PRMT8: variants seen among roughly 807,000 people sequenced by gnomAD.
PRMT8 encodes protein arginine N-methyltransferase 8.
PRMT8 carries 7 observed loss-of-function variants against 47.1 expected under a neutral mutation model. The ratio of observed to expected loss-of-function variants is 0.15; its 90% CI spans 0.08 to 0.28. The LOEUF (loss-of-function observed/expected upper bound fraction) is 0.28. PRMT8 is among the 10% of genes least tolerant of loss of function. PRMT8 has a pLI of 1.00. For missense variants in PRMT8, 237 were observed against 505.4 expected (o/e 0.47, Z 5.09); for synonymous variants, 188 against 186.5 (o/e 1.01, Z -0.07).
chr12:3,475,594 A>G (rs1412350596), intron 1 of PRMT8, among the ~76,000 whole-genome samples: 1 of 152,208 alleles, frequency 6.6e-6, no homozygotes, highest in African/African-American at 2.4e-5. Flanking sequence ...AGAGAACGCT[A>G]CCACCTCCTG....
intron 7 of PRMT8, among the ~76,000 whole-genome samples, chr12:3,581,906 C>T (rs1867074848): frequency 6.6e-6 from 1 of 152,202 alleles, no homozygotes; most frequent in African/African-American, 2.4e-5. Context: ...CTTTATTTAT[C>T]CTGGAAATAC....
At chr12:3,558,452 G>A (rs961424584) in intron 4 of PRMT8, among the ~76,000 whole-genome samples, 1 of 152,158 alleles carries the variant, frequency 6.6e-6, no homozygotes, top group Non-Finnish European at 1.5e-5. Context: ...TCAAAGTCAG[G>A]AAATTAAAAC....
chr12:3,454,394 T>A (rs1864952597), intron 1 of PRMT8, among the ~76,000 whole-genome samples: 1 of 151,798 alleles, frequency 6.6e-6, no homozygotes, highest in African/African-American at 2.4e-5. Flanking sequence ...AATCACTCAC[T>A]CCAGAGGGAG....
At chr12:3,590,153 C>A (rs964618960) in intron 8 of PRMT8, among the ~76,000 whole-genome samples, 1 of 152,216 alleles carries the variant, frequency 6.6e-6, no homozygotes, top group East Asian at 1.9e-4. Context: ...CATTCATGAT[C>A]CTCCTTCCCT....
chr12:3,531,326 G>A (rs1013878994), intron 1 of PRMT8, among the ~76,000 whole-genome samples: 1 of 152,222 alleles, frequency 6.6e-6, no homozygotes, highest in African/African-American at 2.4e-5. Flanking sequence ...GGAGGGGAAT[G>A]CATAGGGAAG....
chr12:3,460,096 T>C (rs1393410413), intron 1 of PRMT8, among the ~76,000 whole-genome samples: 3 of 152,216 alleles, frequency 2.0e-5, no homozygotes, highest in South Asian at 2.1e-4. Flanking sequence ...AGTCTTAACA[T>C]TGGAAGTTTC....
At chr12:3,450,380 A>G (rs998389276) in intron 1 of PRMT8, among the ~76,000 whole-genome samples, 4 of 152,342 alleles carry the variant, frequency 2.6e-5, no homozygotes, top group East Asian at 3.9e-4. Flanking sequence ...AATGTTGACA[A>G]GTCTCATTAT....
intron 2 of PRMT8, among the ~76,000 whole-genome samples, chr12:3,548,215 A>T (rs1866359576): frequency 6.6e-6 from 1 of 152,206 alleles, no homozygotes; most frequent in Non-Finnish European, 1.5e-5. Context: ...GACATGTAAA[A>T]GCCACAGCCA....
intron 1 of PRMT8, among the ~76,000 whole-genome samples, chr12:3,459,566 A>G (rs1410719641): frequency 1.3e-5 from 2 of 152,180 alleles, no homozygotes; most frequent in East Asian, 3.9e-4. Flanking sequence ...CTGCAAATTT[A>G]TGCAAACACT....
At chr12:3,525,551 G>A (rs1276709129) in intron 1 of PRMT8, among the ~76,000 whole-genome samples, 1 of 152,160 alleles carries the variant, frequency 6.6e-6, no homozygotes, top group Non-Finnish European at 1.5e-5. Context: ...TGGGAAAATG[G>A]TCTTTTAGAC....
At chr12:3,382,912 T>G (rs1864106433) in intron 1 of PRMT8, among the ~76,000 whole-genome samples, 1 of 152,178 alleles carries the variant, frequency 6.6e-6, no homozygotes, top group African/African-American at 2.4e-5. Context: ...GGAAGGGAGC[T>G]TTTTTCTCTT....
At chr12:3,544,481 C>T (rs1187436941) in intron 2 of PRMT8, among the ~76,000 whole-genome samples, 2 of 152,318 alleles carry the variant, frequency 1.3e-5, no homozygotes, top group East Asian at 3.9e-4. Flanking sequence ...AAGAAAGACA[C>T]GCCCACAGAA....
At chr12:3,430,065 G>A (rs1442918541) in intron 1 of PRMT8, among the ~76,000 whole-genome samples, 1 of 152,224 alleles carries the variant, frequency 6.6e-6, no homozygotes, top group African/African-American at 2.4e-5. Context: ...GCAGACTCAT[G>A]TCTCCAAAAA....
At chr12:3,442,879 G>A (rs974343335) in intron 1 of PRMT8, among the ~76,000 whole-genome samples, 1 of 152,124 alleles carries the variant, frequency 6.6e-6, no homozygotes, top group Non-Finnish European at 1.5e-5. Context: ...GGCTGGTCTC[G>A]AACTCCTGAC....
chr12:3,392,234 A>G (rs892185746), intron 1 of PRMT8, among the ~76,000 whole-genome samples: 3 of 151,586 alleles, frequency 2.0e-5, no homozygotes, highest in Admixed American at 6.6e-5. Context: ...ATTATACTTT[A>G]AGTTTTAGGG....
rs190686553 is a variant in PRMT8 at position 3,453,242 on chromosome 12, G to A, written c.48+71800G>A. The stretch of plus-strand genomic sequence containing the variant: ...AAGCCACGGTTCCTTCCCTCCCCAC[G>A]CCCCTCGCTCACTCTAGTCCTGGCT... On this transcript the variant is annotated intron_variant, in intron 1 of 9. Coordinates refer to the PRMT8 transcript ENST00000452611. The surrounding 1 kb of genome is among the most constrained non-coding windows in gnomAD (Gnocchi z 4.9). 1.2e-4 allele frequency among the ~76,000 whole-genome samples: 19 copies of A among 152,196 alleles called. No homozygotes were observed. In the East Asian group the frequency reaches 1.9e-3, roughly 16 times the overall value.
intron 6 of PRMT8, among the ~76,000 whole-genome samples, chr12:3,571,263 C>A (rs1343156054): frequency 6.6e-6 from 1 of 152,162 alleles, no homozygotes; most frequent in Non-Finnish European, 1.5e-5. Context: ...AGACACAACT[C>A]CACAGTGAGT....
intron 1 of PRMT8, chr12:3,381,496 A>G (rs1477957098): frequency 2.1e-5 from 31 of 1,508,356 alleles, no homozygotes; most frequent in Non-Finnish European, 2.7e-5. Context: ...CAAGTGAAAT[A>G]GTGCAATTTA....
chr12:3,567,757 A>C (rs769342614), intron 4 of PRMT8, among the ~76,000 whole-genome samples: 8 of 152,212 alleles, frequency 5.3e-5, no homozygotes, highest in Non-Finnish European at 1.0e-4. Context: ...GTTGACCAGC[A>C]GTCTTGCTGA....
Sources: gnomAD v4.1 joint callset for allele counts (sites outside exome capture counted in the v4.1 genomes callset) on GRCh38, gnomAD v4.1.1 for gene constraint, Gnocchi (gnomAD v3.1) non-coding constraint, MANE v1.5 for transcripts, NCBI Gene and HGNC (gene_info 2026-07-23, HGNC 2026-07-21) for gene names.